INO80: variants seen among roughly 807,000 people sequenced by gnomAD.
The protein encoded by INO80 is chromatin-remodeling ATPase INO80.
Under a neutral mutation model 203.4 loss-of-function variants are expected in INO80, and 20 were observed. That is an observed-to-expected ratio of 0.10 (90% CI 0.07 to 0.14). INO80 has a LOEUF of 0.14. Ranked by LOEUF, INO80 falls within the 10% of genes least tolerant of loss-of-function variation. The pLI, the probability that INO80 is intolerant of heterozygous loss-of-function variation, is 1.00. For synonymous variants in INO80, 726 were observed against 685.2 expected, an observed-to-expected ratio of 1.06 and a Z score of -0.93; for missense variants, 1,419 against 1,914.4, an observed-to-expected ratio of 0.74 and a Z score of 4.83.
intron 9 of INO80, among the ~76,000 whole-genome samples, chr15:41,077,392 G>A (rs941163082): frequency 6.8e-6 from 1 of 146,064 alleles, no homozygotes; most frequent in Admixed American, 6.8e-5. Context: ...AAGGCTGAAA[G>A]TATATTTTAT....
At chr15:41,037,813 C>A (rs997113389) in intron 24 of INO80, among the ~76,000 whole-genome samples, 6 of 150,562 alleles carry the variant, frequency 4.0e-5, no homozygotes, top group African/African-American at 1.5e-4. Flanking sequence ...AGTGGTGGTG[C>A]ACGCCTGTAG....
At chr15:40,982,822 T>C in intron 35 of INO80, 40 bp downstream of exon 35, 1 of 1,525,862 alleles carries the variant, frequency 6.6e-7, no homozygotes, top group East Asian at 2.3e-5. Context: ...AGACTGTCTC[T>C]GACCAGAACA....
chr15:41,074,590 A>C (rs772086518), intron 9 of INO80, 25 bp from the exon 10 acceptor site: 2 of 1,529,520 alleles, frequency 1.3e-6, no homozygotes, highest in South Asian at 2.4e-5. Context: ...AAGTGAAAAC[A>C]GAGCCAAATT....
intron 25 of INO80, among the ~76,000 whole-genome samples, chr15:41,023,909 G>A (rs1353125953): frequency 6.7e-6 from 1 of 150,230 alleles, no homozygotes; most frequent in Non-Finnish European, 1.5e-5. Context: ...TTGTAAAAAA[G>A]CAGAACTTAT....
intron 29 of INO80, among the ~76,000 whole-genome samples, chr15:40,990,339 A>G (rs796763412): frequency 2.7e-4 from 41 of 152,184 alleles, no homozygotes; most frequent in African/African-American, 9.9e-4. Flanking sequence ...AGAGTGAGTC[A>G]TCTTTCTTGA....
At chr15:41,064,245 T>TA (rs1038423499) in intron 14 of INO80, among the ~76,000 whole-genome samples, 12 of 152,194 alleles carry the variant, frequency 7.9e-5, no homozygotes, top group Admixed American at 3.9e-4. Context: ...TGCTGAGACA[T>TA]AAAAATGAGG....
chr15:41,111,133 AAAG>A (rs1223393412), intron 1 of INO80, among the ~76,000 whole-genome samples: 4 of 152,342 alleles, frequency 2.6e-5, no homozygotes, highest in Non-Finnish European at 5.9e-5. Flanking sequence ...AATATCAAAT[AAAG>A]AATAGTTAAC....
chr15:41,002,234 A>C (rs898425800), intron 28 of INO80, among the ~76,000 whole-genome samples: 1 of 152,204 alleles, frequency 6.6e-6, no homozygotes, highest in East Asian at 1.9e-4. Context: ...CTGAAGGCTC[A>C]AGCAAGATTT....
intron 28 of INO80, 45 bp downstream of exon 28, chr15:41,005,548 G>T: frequency 4.1e-6 from 4 of 977,622 alleles, no homozygotes; most frequent in Non-Finnish European, 4.7e-6. Context: ...TCAAGCACTA[G>T]AGGGAAATTA....
At chr15:41,080,191 T>C (rs1332445730) in intron 8 of INO80, among the ~76,000 whole-genome samples, 4 of 152,202 alleles carry the variant, frequency 2.6e-5, no homozygotes, top group East Asian at 1.9e-4. Flanking sequence ...CAAAATGTTA[T>C]TGCACACATT....
At position 41,047,393 on chromosome 15, in the gene INO80, A is replaced by T; in HGVS notation, c.2735+15T>A. On this transcript the variant is annotated intron_variant, in intron 23 of 35. Transcript: ENST00000648947. ...CCTAACTGGCCTCTTATCAAGCAAT[A>T]AGCAAACCTCTCACCTGGCCAAAAG... The T allele has an allele frequency of 6.3e-7, 1 of 1,584,798 alleles. No individual in the cohort carries two copies. The highest frequency in any genetic ancestry group is 8.7e-7 in the Non-Finnish European group (1 of 1,154,386).
At chr15:41,080,704 T>C (rs1046211605) in intron 8 of INO80, among the ~76,000 whole-genome samples, 1 of 152,050 alleles carries the variant, frequency 6.6e-6, no homozygotes, top group African/African-American at 2.4e-5. Context: ...AATACAAAAA[T>C]TATAGGGCAT....
chr15:41,031,892 C>T (rs1383321176), intron 24 of INO80, among the ~76,000 whole-genome samples: 1 of 151,854 alleles, frequency 6.6e-6, no homozygotes, highest in African/African-American at 2.4e-5. Flanking sequence ...ATGACAGGCT[C>T]CATAGCTGCA....
At chr15:41,098,625 T>C (rs1449749663) in intron 1 of INO80, among the ~76,000 whole-genome samples, 1 of 151,976 alleles carries the variant, frequency 6.6e-6, no homozygotes, top group African/African-American at 2.4e-5. Context: ...CAGTGAGCCA[T>C]GATCTTGCAA....
Position 41,074,352 on chromosome 15 carries a change from T to C in INO80, c.1327+18A>G, listed in dbSNP as rs1596310902. The C allele has an allele frequency of 6.4e-7, 1 of 1,566,576 alleles. No individual in the cohort carries two copies. Among genetic ancestry groups the C allele is most frequent in the East Asian group, 2.3e-5 (1 of 43,948 alleles). The stretch of plus-strand genomic sequence containing the variant: ...AAATAAGAGGTAGCCTTCCTCTAAG[T>C]CCTGACTGAGGACTCACCATAATCC... On this transcript the variant is annotated intron_variant, in intron 10 of 35. Coordinates refer to ENST00000648947, the MANE Select transcript of INO80 (RefSeq NM_017553.3).
rs563729268 is a variant in INO80 at position 41,075,597 on chromosome 15, G to A, written c.1132-1032C>T. Reference sequence around the variant, plus strand: ...AGCCTCCTGAGTAGCTGGGACTACAGGCGCCTGCCAACATGCCCGGCTAAT... The same window carrying A: ...AGCCTCCTGAGTAGCTGGGACTACAAGCGCCTGCCAACATGCCCGGCTAAT... On this transcript the variant is annotated intron_variant, in intron 9 of 35. Transcript: ENST00000648947. 2.6e-4 allele frequency among the ~76,000 whole-genome samples: 40 copies of A among 152,276 alleles called. No individual in the cohort carries two copies. In the South Asian group the frequency reaches 7.7e-3, roughly 29 times the overall value.
intron 14 of INO80, among the ~76,000 whole-genome samples, chr15:41,064,503 C>A (rs1015512978): frequency 6.6e-6 from 1 of 152,064 alleles, no homozygotes; most frequent in Non-Finnish European, 1.5e-5. Flanking sequence ...CCTAGAAATA[C>A]ACTTTTAAAT....
intron 35 of INO80, among the ~76,000 whole-genome samples, chr15:40,981,722 C>T (rs1489003243): frequency 6.6e-6 from 1 of 152,212 alleles, no homozygotes; most frequent in African/African-American, 2.4e-5. Flanking sequence ...TTTATAGCTA[C>T]AATCATCCTT....
At chr15:41,036,126 A>C (rs964280254) in intron 24 of INO80, among the ~76,000 whole-genome samples, 1 of 124,964 alleles carries the variant, frequency 8.0e-6, no homozygotes, top group Non-Finnish European at 1.6e-5. Flanking sequence ...ACTGCACTCC[A>C]GCCTGGGCAA....
Sources: allele counts gnomAD v4.1 joint callset (sites outside exome capture counted in the v4.1 genomes callset), GRCh38; gene constraint gnomAD v4.1.1; transcripts MANE v1.5; gene names NCBI Gene and HGNC (gene_info 2026-07-23, HGNC 2026-07-21).